GALNT17: variants seen among roughly 807,000 people sequenced by gnomAD.
GALNT17 encodes the protein UDP-GalNAc:polypeptide N-acetylgalactosaminyltransferase-like 3.
A neutral mutation model predicts 63.7 loss-of-function variants in GALNT17; 29 were observed. The ratio of observed to expected loss-of-function variants is 0.46; its 90% CI spans 0.34 to 0.62. The LOEUF is 0.62. Ranked by LOEUF, GALNT17 falls within the 20% of genes least tolerant of loss-of-function variation. GALNT17 has a pLI of 0.01. For synonymous variants in GALNT17, 305 were observed against 318.3 expected, an observed-to-expected ratio of 0.96 and a Z score of 0.45; for missense variants, 603 against 799.6, an observed-to-expected ratio of 0.75 and a Z score of 2.97.
chr7:71,463,809 C>T (rs1787491533), intron 5 of GALNT17, among the ~76,000 whole-genome samples: 1 of 152,140 alleles, frequency 6.6e-6, no homozygotes, highest in Non-Finnish European at 1.5e-5. Flanking sequence ...TTATAGTTAG[C>T]ATATAATGAG....
rs567127664 is a variant in GALNT17 at position 71,267,129 on chromosome 7, A to G, written c.239-68421A>G. Among the ~76,000 whole-genome samples the G allele has an allele frequency of 2.6e-5, 4 of 152,338 alleles. No individual in the cohort carries two copies. The East Asian group carries it at 7.7e-4, about 29-fold the overall frequency. On this transcript the variant is annotated intron_variant, in intron 1 of 10. Coordinates refer to ENST00000333538, the MANE Select transcript of GALNT17 (RefSeq NM_022479.3). Reference sequence around the variant, plus strand: ...CACATGCTGCATCCCTGTGCTTCACAGTGACTTGCCTCACTCCGTTTGCTA... The same window carrying G: ...CACATGCTGCATCCCTGTGCTTCACGGTGACTTGCCTCACTCCGTTTGCTA...
chr7:71,649,640 CACACAT>C (rs1293154486), intron 6 of GALNT17, among the ~76,000 whole-genome samples: 3 of 151,628 alleles, frequency 2.0e-5, no homozygotes, highest in African/African-American at 7.3e-5. Flanking sequence ...CACACACACA[CACACAT>C]ACACACCTTA....
intron 4 of GALNT17, among the ~76,000 whole-genome samples, chr7:71,418,186 G>A (rs1454737787): frequency 6.6e-6 from 1 of 152,164 alleles, no homozygotes; most frequent in Non-Finnish European, 1.5e-5. Context: ...CAAGTCTACA[G>A]TCTAATTCTA....
chr7:71,160,713 C>T lies in GALNT17; in HGVS notation c.238+27673C>T, dbSNP rs181832157. On this transcript the variant is annotated intron_variant, in intron 1 of 10. Transcript: ENST00000333538. ...ACCTCAGGTGATCTGCCTGCCTCGG[C>T]CCCCCAAAGTGTTGGGATTACAGGC... is the stretch of plus-strand genomic sequence containing the variant. Among the ~76,000 whole-genome samples, 49 of 152,320 alleles carry T rather than the reference C, an allele frequency of 3.2e-4. 1 individual carries two copies. The East Asian group carries it at 8.9e-3, about 28-fold the overall frequency.
chr7:71,373,959 T>G (rs970617926), intron 2 of GALNT17, among the ~76,000 whole-genome samples: 2 of 152,212 alleles, frequency 1.3e-5, no homozygotes, highest in African/African-American at 4.8e-5. Flanking sequence ...TCCACAGTTT[T>G]GTTATTTATT....
At chr7:71,421,176 GGCCAGGAAAGCCTGCCTTGGGCTCGA>G in intron 5 of GALNT17, 71 bp downstream of exon 5, 1 of 1,544,484 alleles carries the variant, frequency 6.5e-7, no homozygotes, top group South Asian at 1.2e-5. Context: ...TACTGAGAGA[GGCCAGGAAAGCCTGCCTTGGGCTCGA>G]GCAGCTGTGT....
intron 2 of GALNT17, among the ~76,000 whole-genome samples, chr7:71,365,708 A>C (rs1208571224): frequency 6.6e-6 from 1 of 151,952 alleles, no homozygotes; most frequent in Non-Finnish European, 1.5e-5. Flanking sequence ...TCCAAATGAC[A>C]GTTGAATATG....
chr7:71,565,460 C>G (rs1169073184), intron 5 of GALNT17, among the ~76,000 whole-genome samples: 8 of 152,020 alleles, frequency 5.3e-5, no homozygotes, highest in South Asian at 4.2e-4. Context: ...TCCTTCCTCT[C>G]TCTAGCACTT....
Position 71,445,184 on chromosome 7 carries a change from T to C in GALNT17, c.962+24079T>C, listed in dbSNP as rs866289399. Among the ~76,000 whole-genome samples, 1,136 of 148,172 alleles carry C rather than the reference T, an allele frequency of 7.7e-3. 12 individuals carry two copies. Among genetic ancestry groups the C allele is most frequent in the African/African-American group, 0.027 (1,077 of 40,330 alleles). On this transcript the variant is annotated intron_variant, in intron 5 of 10. Transcript: ENST00000333538. ...ACCTTTTTTTTTCTTTCTTTCTTTT[T>C]TTTTTTTTTTTTGAGACAGATTCTC...
At chr7:71,322,770 C>T (rs946593685) in intron 1 of GALNT17, among the ~76,000 whole-genome samples, 12 of 152,138 alleles carry the variant, frequency 7.9e-5, no homozygotes, top group Admixed American at 3.9e-4. Flanking sequence ...GACACAAGCT[C>T]TCCCTCTCTC....
At chr7:71,288,807 T>G (rs1307788274) in intron 1 of GALNT17, among the ~76,000 whole-genome samples, 1 of 151,878 alleles carries the variant, frequency 6.6e-6, no homozygotes, top group African/African-American at 2.4e-5. Context: ...GAGAGGAGAG[T>G]TGGTTGATGC....
intron 1 of GALNT17, among the ~76,000 whole-genome samples, chr7:71,166,562 A>G (rs895597287): frequency 6.6e-6 from 1 of 152,190 alleles, no homozygotes; most frequent in Admixed American, 6.5e-5. Flanking sequence ...GCCTCTACAG[A>G]TAAGTTTGCC....
intron 1 of GALNT17, among the ~76,000 whole-genome samples, chr7:71,220,282 A>C (rs539747686): frequency 1.2e-3 from 181 of 152,332 alleles, no homozygotes; most frequent in African/African-American, 4.1e-3. Context: ...CCAAGCCCCA[A>C]ACCAGAAGTC....
Position 71,661,682 on chromosome 7 carries a change from T to A in GALNT17, c.1081-3729T>A, listed in dbSNP as rs1192408402. Among the ~76,000 whole-genome samples the A allele has an allele frequency of 2.0e-5, 3 of 152,196 alleles. No homozygotes were observed. The East Asian group carries it at 5.8e-4, about 29-fold the overall frequency. On this transcript the variant is annotated intron_variant, in intron 6 of 10. Transcript: ENST00000333538. ...AGCAGCAGGATTCCAGGGCAGGCAC[T>A]GACCCTGGCAGTTCACCCTGGGCTT...
chr7:71,633,123 A>AAAAAAAAAG, intron 6 of GALNT17, among the ~76,000 whole-genome samples: 2 of 151,538 alleles, frequency 1.3e-5, no homozygotes, highest in Non-Finnish European at 2.9e-5. Context: ...AAAAAAAAAA[A>AAAAAAAAAG]AAGAAGGTTG....
chr7:71,181,052 C>T (rs565984066), intron 1 of GALNT17, among the ~76,000 whole-genome samples: 17 of 152,002 alleles, frequency 1.1e-4, no homozygotes, highest in African/African-American at 3.6e-4. Context: ...GCCAGGAGTT[C>T]GAGACCAGCC....
chr7:71,168,494 C>T (rs1330395190), intron 1 of GALNT17, among the ~76,000 whole-genome samples: 1 of 152,062 alleles, frequency 6.6e-6, no homozygotes, highest in East Asian at 1.9e-4. Context: ...ATCTTTTGAA[C>T]CCCGGAGGCG....
chr7:71,450,828 T>A (rs1787248409), intron 5 of GALNT17, among the ~76,000 whole-genome samples: 1 of 152,214 alleles, frequency 6.6e-6, no homozygotes, highest in Non-Finnish European at 1.5e-5. Context: ...CTTGAGTGCT[T>A]TTCTAAGAGC....
At chr7:71,424,618 A>G (rs1210320395) in intron 5 of GALNT17, among the ~76,000 whole-genome samples, 1 of 152,240 alleles carries the variant, frequency 6.6e-6, no homozygotes, top group Non-Finnish European at 1.5e-5. Flanking sequence ...AATAGAATCA[A>G]ATGCCAATGA....
Sources: gnomAD v4.1 joint callset for allele counts (sites outside exome capture counted in the v4.1 genomes callset) on GRCh38, gnomAD v4.1.1 for gene constraint, MANE v1.5 for transcripts, NCBI Gene and HGNC (gene_info 2026-07-23, HGNC 2026-07-21) for gene names.